NLGN1: variants seen among roughly 807,000 people sequenced by gnomAD.
The protein encoded by NLGN1 is neuroligin-1.
In NLGN1, 12 loss-of-function variants were observed where a neutral mutation model predicts 65.5. The ratio of observed to expected loss-of-function variants is 0.18; its 90% CI spans 0.12 to 0.30. The LOEUF (loss-of-function observed/expected upper bound fraction) is 0.30, where lower values mean the gene tolerates loss of function less well. Among genes scored for constraint, NLGN1 ranks in the 10% least tolerant of loss-of-function variants. NLGN1 has a pLI of 1.00. For synonymous variants in NLGN1, 350 were observed against 359.5 expected (o/e 0.97, Z 0.30); for missense variants, 750 against 1,007.1 (o/e 0.74, Z 3.46).
At chr3:173,853,619 A>G (rs1727392024) in intron 4 of NLGN1, among the ~76,000 whole-genome samples, 1 of 152,114 alleles carries the variant, frequency 6.6e-6, no homozygotes, top group Non-Finnish European at 1.5e-5. Flanking sequence ...AAACTGGTAT[A>G]CTATTTCTTA....
intron 3 of NLGN1, among the ~76,000 whole-genome samples, chr3:173,660,793 G>T (rs1760816614): frequency 6.6e-6 from 1 of 151,928 alleles, no homozygotes; most frequent in Non-Finnish European, 1.5e-5. Context: ...CTTTTGACTG[G>T]TGAGAAAATA....
chr3:174,023,444 T>C (rs1056993797), intron 4 of NLGN1, among the ~76,000 whole-genome samples: 1 of 152,120 alleles, frequency 6.6e-6, no homozygotes, highest in African/African-American at 2.4e-5. Flanking sequence ...TGGCATCTGC[T>C]TGCTGTTTGC....
At chr3:173,530,128 T>A (rs1457386616) in intron 2 of NLGN1, among the ~76,000 whole-genome samples, 1 of 152,064 alleles carries the variant, frequency 6.6e-6, no homozygotes, top group Non-Finnish European at 1.5e-5. Flanking sequence ...CTAATTTTTG[T>A]ATTTTTAGTA....
At chr3:173,863,188 A>G (rs988633793) in intron 4 of NLGN1, among the ~76,000 whole-genome samples, 30 of 151,932 alleles carry the variant, frequency 2.0e-4, no homozygotes, top group African/African-American at 7.2e-4. Context: ...ATTTGTATAT[A>G]TGTTCCTTTT....
upstream of NLGN1, among the ~76,000 whole-genome samples, chr3:173,396,895 T>A (rs1716714956): frequency 6.6e-6 from 1 of 152,156 alleles, no homozygotes; most frequent in Non-Finnish European, 1.5e-5. Context: ...AATCGTCTAT[T>A]TGAGTTTAAA....
chr3:174,165,346 C>T (rs371082083), intron 4 of NLGN1, among the ~76,000 whole-genome samples: 9 of 151,780 alleles, frequency 5.9e-5, no homozygotes, highest in African/African-American at 1.7e-4. Flanking sequence ...TTGGCATAGA[C>T]GTGGTTCTTA....
intron 3 of NLGN1, among the ~76,000 whole-genome samples, chr3:173,714,897 A>G (rs1769590644): frequency 6.6e-6 from 1 of 152,130 alleles, no homozygotes; most frequent in African/African-American, 2.4e-5. Flanking sequence ...TTAGACTTTC[A>G]GGGATTCTTC....
chr3:173,938,298 A>G (rs1745392901), intron 4 of NLGN1, among the ~76,000 whole-genome samples: 1 of 152,288 alleles, frequency 6.6e-6, no homozygotes, highest in Non-Finnish European at 1.5e-5. Flanking sequence ...AACGTGAGCA[A>G]GTGCCCCTCC....
At position 173,401,563 on chromosome 3, in the gene NLGN1, A is replaced by T. The variant is rs571120014; in HGVS notation, c.-390+3076A>T. On this transcript the variant is annotated intron_variant, in intron 1 of 6. Transcript: ENST00000457714. Reference sequence around the variant, plus strand: ...TTGTGTCTTTTTTTATGGTGTGAACATTCTCCCCATAGACTTCCATTCTCG... The same window carrying T: ...TTGTGTCTTTTTTTATGGTGTGAACTTTCTCCCCATAGACTTCCATTCTCG... Among the ~76,000 whole-genome samples, 8 of 152,166 alleles carry T rather than the reference A, an allele frequency of 5.3e-5. No individual in the cohort carries two copies. The East Asian group carries it at 1.5e-3, about 29-fold the overall frequency.
rs375632006 is a variant in NLGN1 at position 173,808,032 on chromosome 3, TCA to T, written c.646+203_646+204del. Among the ~76,000 whole-genome samples the T allele has an allele frequency of 3.7e-4, 57 of 152,278 alleles. 1 individual carries two copies. Among genetic ancestry groups the T allele is most frequent in the African/African-American group, 1.2e-3 (50 of 41,580 alleles). ...TGAAACTAAAAGGTGATGAAATTAT[TCA>T]CATTGTCATGGAATGTACTTCCTGG... On this transcript the variant is annotated intron_variant, in intron 4 of 6. Coordinates refer to ENST00000457714, the Ensembl canonical transcript of NLGN1.
intron 2 of NLGN1, among the ~76,000 whole-genome samples, chr3:173,565,556 A>G (rs1743504557): frequency 6.6e-6 from 1 of 152,198 alleles, no homozygotes; most frequent in Non-Finnish European, 1.5e-5. Context: ...GGTAGGAATT[A>G]AAAGATAGCA....
chr3:173,407,516 A>C (rs1711526615), intron 1 of NLGN1, among the ~76,000 whole-genome samples: 1 of 152,250 alleles, frequency 6.6e-6, no homozygotes, highest in Admixed American at 6.5e-5. Flanking sequence ...TACCATGATT[A>C]CATAATTACT....
intron 4 of NLGN1, among the ~76,000 whole-genome samples, chr3:174,155,309 T>G (rs1358565715): frequency 6.6e-6 from 1 of 151,508 alleles, no homozygotes; most frequent in Non-Finnish European, 1.5e-5. Flanking sequence ...GGAGAGGAAC[T>G]CAGACTCCTT....
intron 4 of NLGN1, among the ~76,000 whole-genome samples, chr3:173,879,252 A>G (rs1337559650): frequency 6.6e-6 from 1 of 151,560 alleles, no homozygotes; most frequent in Non-Finnish European, 1.5e-5. Context: ...AAAAAGAAAG[A>G]AAGAAAAAAA....
At chr3:174,138,686 G>A (rs578227186) in intron 4 of NLGN1, among the ~76,000 whole-genome samples, 13 of 151,850 alleles carry the variant, frequency 8.6e-5, no homozygotes, top group Non-Finnish European at 1.5e-4. Context: ...CGCCCGCCTC[G>A]GCCTCCCAAA....
intron 3 of NLGN1, among the ~76,000 whole-genome samples, chr3:173,608,771 A>G (rs1355993957): frequency 6.6e-6 from 1 of 151,756 alleles, no homozygotes; most frequent in Non-Finnish European, 1.5e-5. Flanking sequence ...TCTTTAACAC[A>G]TTCAAATATG....
intron 2 of NLGN1, among the ~76,000 whole-genome samples, chr3:173,464,705 G>T (rs1724028454): frequency 6.6e-6 from 1 of 152,138 alleles, no homozygotes; most frequent in African/African-American, 2.4e-5. Flanking sequence ...AAAGTGCTGG[G>T]ATTACAGGCG....
intron 2 of NLGN1, among the ~76,000 whole-genome samples, chr3:173,477,434 A>G (rs972634498): frequency 2.0e-5 from 3 of 152,094 alleles, no homozygotes; most frequent in African/African-American, 7.2e-5. Context: ...TGTAGTCCTA[A>G]CTACTCAGGA....
At chr3:173,517,750 T>TTATCTATCTATC (rs368708618) in intron 2 of NLGN1, among the ~76,000 whole-genome samples, 6,357 of 147,184 alleles carry the variant, frequency 0.043, 145 homozygotes, top group East Asian at 0.077. Flanking sequence ...TTTCGCAAAT[T>TTATCTATCTATC]TATCTATCTA....
Sources: allele counts gnomAD v4.1 joint callset (sites outside exome capture counted in the v4.1 genomes callset), GRCh38; gene constraint gnomAD v4.1.1; transcripts MANE v1.5; gene names NCBI Gene and HGNC (gene_info 2026-07-23, HGNC 2026-07-21).